ASRGL1: variants seen among roughly 807,000 people sequenced by gnomAD.
ASRGL1 encodes the protein asparaginase and isoaspartyl peptidase 1.
ASRGL1 carries 16 observed loss-of-function variants against 22.4 expected under a neutral mutation model. The ratio of observed to expected loss-of-function variants is 0.71; its 90% CI spans 0.48 to 1.08. The LOEUF (loss-of-function observed/expected upper bound fraction) is 1.08. Among genes scored for constraint, ASRGL1 ranks in the 50% least tolerant of loss-of-function variants. ASRGL1 has a pLI of 0.00. For synonymous variants in ASRGL1, 165 were observed against 159.3 expected, an observed-to-expected ratio of 1.04 and a Z score of -0.27; for missense variants, 412 against 410.1, an observed-to-expected ratio of 1.00 and a Z score of -0.04.
At position 62,348,463 on chromosome 11, in the gene ASRGL1, G is replaced by A. The variant is rs76274995; in HGVS notation, c.191-7862G>A. Among the ~76,000 whole-genome samples the A allele has an allele frequency of 2.9e-4, 44 of 152,278 alleles. No homozygotes were observed. The East Asian group carries it at 8.1e-3, about 28-fold the overall frequency. Reference sequence around the variant, plus strand: ...TCACGCCTGTAATCCCAGCACTTTGGGAGGCCGAGGCAGGTGGATCACCTG... The same window carrying A: ...TCACGCCTGTAATCCCAGCACTTTGAGAGGCCGAGGCAGGTGGATCACCTG... On this transcript the variant is annotated intron_variant, in intron 2 of 6. Transcript: ENST00000415229.
chr11:62,384,496 TC>T (rs1259706242), intron 4 of ASRGL1, among the ~76,000 whole-genome samples: 1 of 151,942 alleles, frequency 6.6e-6, no homozygotes, highest in Non-Finnish European at 1.5e-5. Context: ...AGAGCAAGAC[TC>T]CATCTCAAAA....
the ASRGL1 span, among the ~76,000 whole-genome samples, chr11:62,400,836 C>G: frequency 1.3e-5 from 2 of 152,306 alleles, no homozygotes; most frequent in Admixed American, 6.5e-5. Flanking sequence ...AAGTGCATCT[C>G]CCTCCTTCTG....
chr11:62,378,115 A>G (rs1353251568), intron 4 of ASRGL1, among the ~76,000 whole-genome samples: 1 of 152,208 alleles, frequency 6.6e-6, no homozygotes, highest in Non-Finnish European at 1.5e-5. Context: ...AATCCAATTA[A>G]TATCTCCTAG....
At chr11:62,365,426 C>A (rs1416502101) in intron 4 of ASRGL1, among the ~76,000 whole-genome samples, 1 of 150,574 alleles carries the variant, frequency 6.6e-6, no homozygotes, top group South Asian at 2.1e-4. Flanking sequence ...TGGTGGTGGG[C>A]GCCTGTAATC....
At chr11:62,367,337 CAA>C (rs746980862) in intron 4 of ASRGL1, among the ~76,000 whole-genome samples, 1 of 125,324 alleles carries the variant, frequency 8.0e-6, no homozygotes, top group Non-Finnish European at 1.7e-5. Context: ...AACTCTGTCT[CAA>C]AAAAAAAAAA....
chr11:62,344,764 A>T (rs1404309294), intron 2 of ASRGL1, among the ~76,000 whole-genome samples: 1 of 152,192 alleles, frequency 6.6e-6, no homozygotes, highest in Non-Finnish European at 1.5e-5. Flanking sequence ...TTATTTTAAG[A>T]TGTATAGCTA....
intron 4 of ASRGL1, among the ~76,000 whole-genome samples, chr11:62,375,428 TTATATATATATATATATATATA>T (rs71053051): frequency 0.021 from 1,465 of 69,014 alleles, 68 homozygotes; most frequent in Middle Eastern, 0.036. Flanking sequence ...TTGTCTTACT[TTATATATATATATATATATATA>T]TATATATATA....
At chr11:62,372,315 C>A (rs1481603776) in intron 4 of ASRGL1, 13 of 1,602,548 alleles carry the variant, frequency 8.1e-6, no homozygotes, top group Non-Finnish European at 1.1e-5. Context: ...GCAGCTGGGC[C>A]TTGGCAACTA....
intron 4 of ASRGL1, chr11:62,372,275 C>T (rs996630750): frequency 2.3e-5 from 37 of 1,600,466 alleles, no homozygotes; most frequent in Middle Eastern, 2.2e-4. Context: ...AAACGGGCTC[C>T]GTGTTTGCGT....
chr11:62,380,962 G>T (rs1024147965), intron 4 of ASRGL1, among the ~76,000 whole-genome samples: 3 of 152,080 alleles, frequency 2.0e-5, no homozygotes, highest in Admixed American at 2.0e-4. Flanking sequence ...TATAGTGGGC[G>T]GCTGAGGCTA....
At chr11:62,384,058 C>T (rs1947145501) in intron 4 of ASRGL1, among the ~76,000 whole-genome samples, 1 of 138,352 alleles carries the variant, frequency 7.2e-6, no homozygotes, top group Admixed American at 7.4e-5. Context: ...GTGTGTTTGC[C>T]ATTCATCTGC....
intron 2 of ASRGL1, among the ~76,000 whole-genome samples, chr11:62,345,957 C>T (rs566114598): frequency 2.0e-5 from 3 of 152,274 alleles, no homozygotes; most frequent in East Asian, 3.9e-4. Context: ...TCCTAACAGG[C>T]CACAGACCAG....
chr11:62,359,223 T>C (rs1946375609), intron 4 of ASRGL1, among the ~76,000 whole-genome samples: 1 of 152,098 alleles, frequency 6.6e-6, no homozygotes, highest in Non-Finnish European at 1.5e-5. Flanking sequence ...CCACAGTGGA[T>C]CACATCTGAG....
intron 4 of ASRGL1, among the ~76,000 whole-genome samples, chr11:62,373,335 C>T (rs539735368): frequency 6.6e-6 from 1 of 152,262 alleles, no homozygotes; most frequent in African/African-American, 2.4e-5. Context: ...AGTGATCCAA[C>T]GTTAACTACC....
intron 2 of ASRGL1, among the ~76,000 whole-genome samples, chr11:62,355,416 G>C (rs1355821909): frequency 6.7e-6 from 1 of 149,616 alleles, no homozygotes; most frequent in African/African-American, 2.5e-5. Context: ...TAGTAGAGAC[G>C]GGGTTTCACA....
chr11:62,387,792 G>A (rs1451745507), intron 4 of ASRGL1, among the ~76,000 whole-genome samples: 1 of 152,134 alleles, frequency 6.6e-6, no homozygotes, highest in Non-Finnish European at 1.5e-5. Flanking sequence ...AGGCTCCATG[G>A]GAGAAAGGAC....
At chr11:62,369,214 C>T (rs893234155) in intron 4 of ASRGL1, among the ~76,000 whole-genome samples, 3 of 152,168 alleles carry the variant, frequency 2.0e-5, no homozygotes, top group Non-Finnish European at 2.9e-5. Context: ...TGACTTTTAA[C>T]AAGCATACTG....
intron 4 of ASRGL1, chr11:62,372,697 A>T: frequency 7.7e-7 from 1 of 1,296,408 alleles, no homozygotes; most frequent in Non-Finnish European, 1.1e-6. Context: ...TGGCTGGGCT[A>T]CACAGAGCAG....
intron 4 of ASRGL1, among the ~76,000 whole-genome samples, chr11:62,358,814 A>G (rs1946366512): frequency 6.6e-6 from 1 of 152,248 alleles, no homozygotes; most frequent in African/African-American, 2.4e-5. Context: ...GTTTGTGGGT[A>G]GTGCCACTGT....
Sources: gnomAD v4.1 joint callset for allele counts (sites outside exome capture counted in the v4.1 genomes callset) on GRCh38, gnomAD v4.1.1 for gene constraint, MANE v1.5 for transcripts, NCBI Gene and HGNC (gene_info 2026-07-23, HGNC 2026-07-21) for gene names.